The following LRRC37A2 variants were observed in gnomAD, a reference collection of about 807,000 sequenced individuals.
LRRC37A2 encodes the protein leucine-rich repeat-containing protein 37A2.
LRRC37A2 carries 9 observed loss-of-function variants against 68.8 expected under a neutral mutation model. That is an observed-to-expected ratio of 0.13 (90% CI 0.08 to 0.23). LRRC37A2 has a LOEUF of 0.23. Among genes scored for constraint, LRRC37A2 ranks in the 10% least tolerant of loss-of-function variants. The pLI, the probability that LRRC37A2 is intolerant of heterozygous loss-of-function variation, is 1.00. For synonymous variants in LRRC37A2, 63 were observed against 367.6 expected (o/e 0.17, Z 9.48); for missense variants, 168 against 950.4 (o/e 0.18, Z 10.82).
chr17:46,671,810 C>T, the LRRC37A2 span, among the ~76,000 whole-genome samples: 2 of 135,644 alleles, frequency 1.5e-5, no homozygotes, highest in East Asian at 1.9e-4. Flanking sequence ...TTTCTGTGTA[C>T]AGAAGCATAG....
chr17:46,730,257 A>G, the LRRC37A2 span, among the ~76,000 whole-genome samples: 3 of 152,200 alleles, frequency 2.0e-5, no homozygotes, highest in East Asian at 1.9e-4. Context: ...TATAAAAACT[A>G]TTAGAATGTG....
At chr17:46,816,146 C>A in the LRRC37A2 span, among the ~76,000 whole-genome samples, 1 of 152,048 alleles carries the variant, frequency 6.6e-6, no homozygotes, top group Non-Finnish European at 1.5e-5. Flanking sequence ...CACACGCACG[C>A]ACGCACACAC....
chr17:46,728,802 G>A, the LRRC37A2 span: 5 of 1,062,426 alleles, frequency 4.7e-6, no homozygotes, highest in Non-Finnish European at 6.8e-6. Flanking sequence ...CTGAATGTTT[G>A]GAATATGTAC....
the LRRC37A2 span, among the ~76,000 whole-genome samples, chr17:46,899,909 A>ATT: frequency 6.6e-6 from 1 of 151,874 alleles, no homozygotes; most frequent in Non-Finnish European, 1.5e-5. Context: ...TTAAGGGCAC[A>ATT]GACTCTTCAG....
chr17:47,018,395 A>G, the LRRC37A2 span: 213 of 1,604,408 alleles, frequency 1.3e-4, 1 homozygote, highest in Middle Eastern at 9.0e-4. Context: ...GTCACCATCA[A>G]ACTCATCATT....
chr17:46,716,275 G>A, the LRRC37A2 span, among the ~76,000 whole-genome samples: 1 of 83,138 alleles, frequency 1.2e-5, no homozygotes, highest in Non-Finnish European at 2.8e-5. Context: ...TTTTTTTTTT[G>A]AGATGGAGTC....
the LRRC37A2 span, among the ~76,000 whole-genome samples, chr17:47,036,658 G>C: frequency 2.7e-5 from 4 of 150,308 alleles, no homozygotes; most frequent in South Asian, 8.5e-4. Flanking sequence ...ATAAATGTGA[G>C]GGTTTATTTC....
the LRRC37A2 span, among the ~76,000 whole-genome samples, chr17:46,472,857 G>A: frequency 2.0e-5 from 1 of 49,486 alleles, no homozygotes; most frequent in Non-Finnish European, 4.9e-5. Context: ...GGAGCTTGCA[G>A]TGAGCCAAGA....
chr17:46,936,608 T>C, the LRRC37A2 span: 1 of 985,486 alleles, frequency 1.0e-6, no homozygotes, highest in African/African-American at 1.7e-5. Flanking sequence ...TGAAGCACTC[T>C]GATGACTGGG....
At chr17:46,389,157 C>T in the LRRC37A2 span, among the ~76,000 whole-genome samples, 4 of 148,590 alleles carry the variant, frequency 2.7e-5, no homozygotes, top group East Asian at 3.9e-4. Flanking sequence ...ATCATGCCAC[C>T]GTACTCCAGC....
the LRRC37A2 span, among the ~76,000 whole-genome samples, chr17:46,771,737 C>T: frequency 2.3e-5 from 3 of 128,150 alleles, no homozygotes. Flanking sequence ...CGCGAAATCC[C>T]CATTGAAGCG....
the LRRC37A2 span, chr17:46,963,820 T>G: frequency 6.6e-6 from 1 of 152,134 alleles, no homozygotes; most frequent in Non-Finnish European, 1.5e-5. Context: ...CTTTTTCTCC[T>G]TTTTGTTTTT....
the LRRC37A2 span, among the ~76,000 whole-genome samples, chr17:46,751,070 G>T: frequency 1.1e-3 from 164 of 152,140 alleles, 1 homozygote; most frequent in Middle Eastern, 0.014. Flanking sequence ...AGTCCTCAAG[G>T]CCCCCAACAA....
At chr17:46,966,936 A>G in the LRRC37A2 span, 1 of 382,884 alleles carries the variant, frequency 2.6e-6, no homozygotes, top group Non-Finnish European at 4.6e-6. Flanking sequence ...GAATCTGGCT[A>G]GAGAAAATGC....
At chr17:46,812,919 C>A in the LRRC37A2 span, among the ~76,000 whole-genome samples, 1 of 152,158 alleles carries the variant, frequency 6.6e-6, no homozygotes, top group African/African-American at 2.4e-5. Context: ...GAAATAGAGG[C>A]AATCATTACA....
At chr17:46,813,091 G>C in the LRRC37A2 span, among the ~76,000 whole-genome samples, 1 of 152,048 alleles carries the variant, frequency 6.6e-6, no homozygotes, top group Non-Finnish European at 1.5e-5. Context: ...GGCTTGGCAG[G>C]AGTGGGGCAG....
the LRRC37A2 span, among the ~76,000 whole-genome samples, chr17:46,760,633 CAAAAAAAAAA>C: frequency 1.1e-3 from 66 of 61,276 alleles, no homozygotes; most frequent in Middle Eastern, 0.028. Context: ...GACCCTATCT[CAAAAAAAAAA>C]AAAAAAAGAA....
the LRRC37A2 span, among the ~76,000 whole-genome samples, chr17:46,714,306 A>T: frequency 6.6e-6 from 1 of 152,224 alleles, no homozygotes; most frequent in East Asian, 1.9e-4. Flanking sequence ...AAATTCATTT[A>T]GGATTTTTTA....
At chr17:46,712,833 GA>G in the LRRC37A2 span, among the ~76,000 whole-genome samples, 1 of 152,150 alleles carries the variant, frequency 6.6e-6, no homozygotes, top group African/African-American at 2.4e-5. Flanking sequence ...AGGGGAAAGA[GA>G]GAATGTGTGT....
Sources: gnomAD v4.1 joint callset for allele counts (sites outside exome capture counted in the v4.1 genomes callset) on GRCh38, gnomAD v4.1.1 for gene constraint, MANE v1.5 for transcripts, NCBI Gene and HGNC (gene_info 2026-07-23, HGNC 2026-07-21) for gene names.